ENTREP2: variants seen among roughly 807,000 people sequenced by gnomAD.
ENTREP2 encodes endosomal transmembrane epsin interactor 2.
At chr15:29,205,149 A>G in the ENTREP2 span, among the ~76,000 whole-genome samples, 1 of 152,016 alleles carries the variant, frequency 6.6e-6, no homozygotes, top group East Asian at 1.9e-4. Context: ...ACGTGTCGAG[A>G]TTTCCTTCCT....
the ENTREP2 span, among the ~76,000 whole-genome samples, chr15:29,648,903 T>C: frequency 6.6e-6 from 1 of 151,730 alleles, no homozygotes; most frequent in Non-Finnish European, 1.5e-5. Flanking sequence ...TGTGCCATTG[T>C]ACTCCAGCCT....
chr15:29,213,989 A>G, the ENTREP2 span, among the ~76,000 whole-genome samples: 1 of 152,056 alleles, frequency 6.6e-6, no homozygotes, highest in Non-Finnish European at 1.5e-5. Context: ...CCACAATGAG[A>G]TACCATCTCA....
At chr15:29,276,297 A>C in the ENTREP2 span, among the ~76,000 whole-genome samples, 40 of 152,346 alleles carry the variant, frequency 2.6e-4, no homozygotes, top group Non-Finnish European at 4.7e-4. Context: ...TATGAAAATC[A>C]TTAGGGCCTA....
At chr15:29,130,753 C>T in the ENTREP2 span, among the ~76,000 whole-genome samples, 1 of 152,144 alleles carries the variant, frequency 6.6e-6, no homozygotes, top group Non-Finnish European at 1.5e-5. Flanking sequence ...TTAAATGTGG[C>T]CCTTCCCTGA....
At chr15:29,254,161 CAAAAA>C in the ENTREP2 span, among the ~76,000 whole-genome samples, 35 of 61,334 alleles carry the variant, frequency 5.7e-4, 1 homozygote, top group South Asian at 0.013. Context: ...TGTTAAAGAG[CAAAAA>C]AAAAAAAAAA....
chr15:29,418,907 T>A, the ENTREP2 span, among the ~76,000 whole-genome samples: 1 of 152,248 alleles, frequency 6.6e-6, no homozygotes. Flanking sequence ...AGCACATGGT[T>A]GGGTTTTCCC....
the ENTREP2 span, among the ~76,000 whole-genome samples, chr15:29,619,345 TTG>T: frequency 6.6e-6 from 1 of 152,134 alleles, no homozygotes; most frequent in Non-Finnish European, 1.5e-5. Context: ...TGAGCCTAGG[TTG>T]TGTCACTGCA....
chr15:29,465,629 C>A, the ENTREP2 span, among the ~76,000 whole-genome samples: 1 of 152,328 alleles, frequency 6.6e-6, no homozygotes, highest in African/African-American at 2.4e-5. Flanking sequence ...GGCTTCCTGA[C>A]TCTGAGTCTT....
At chr15:29,272,658 T>C in the ENTREP2 span, among the ~76,000 whole-genome samples, 1 of 152,194 alleles carries the variant, frequency 6.6e-6, no homozygotes, top group Non-Finnish European at 1.5e-5. Context: ...CAGGAATCTA[T>C]GCAGAATGGG....
At chr15:29,627,271 G>A in the ENTREP2 span, among the ~76,000 whole-genome samples, 12 of 152,162 alleles carry the variant, frequency 7.9e-5, no homozygotes, top group Middle Eastern at 3.4e-3. Flanking sequence ...TAGGCCAGGC[G>A]TGGTGGCTCA....
At chr15:29,250,444 G>A in the ENTREP2 span, among the ~76,000 whole-genome samples, 21 of 152,240 alleles carry the variant, frequency 1.4e-4, no homozygotes, top group Admixed American at 3.3e-4. Context: ...TTATGTATCC[G>A]TGGAGGTATA....
At chr15:29,136,350 G>A in the ENTREP2 span, 1 of 1,480,982 alleles carries the variant, frequency 6.8e-7, no homozygotes, top group African/African-American at 1.4e-5. Flanking sequence ...GCTTTGTCTG[G>A]GGCCCCAGGC....
At chr15:29,215,164 T>G in the ENTREP2 span, among the ~76,000 whole-genome samples, 4 of 152,220 alleles carry the variant, frequency 2.6e-5, no homozygotes, top group Non-Finnish European at 5.9e-5. Context: ...ATTTTCCGGT[T>G]GGACAAGGCC....
the ENTREP2 span, among the ~76,000 whole-genome samples, chr15:29,444,224 AAGAAAGAAAGAAAGAAAGAAAGAAAG>A: frequency 6.7e-6 from 1 of 149,976 alleles, no homozygotes; most frequent in Admixed American, 6.6e-5. Context: ...GAAAGAAAGA[AAGAAAGAAAGAAAGAAAGAAAGAAAG>A]AGAAAGAGAA....
At chr15:29,563,371 C>T in the ENTREP2 span, among the ~76,000 whole-genome samples, 1 of 151,980 alleles carries the variant, frequency 6.6e-6, no homozygotes, top group East Asian at 1.9e-4. Context: ...CTCCTTTTCA[C>T]CCTCTATTTT....
At chr15:29,556,970 A>C in the ENTREP2 span, among the ~76,000 whole-genome samples, 1 of 152,236 alleles carries the variant, frequency 6.6e-6, no homozygotes, top group Non-Finnish European at 1.5e-5. Context: ...CTGGGAGTGC[A>C]TAATGCTCAA....
chr15:29,269,427 C>T, the ENTREP2 span: 7 of 1,614,018 alleles, frequency 4.3e-6, no homozygotes, highest in East Asian at 2.2e-5. Flanking sequence ...GCAAGAACTG[C>T]ACCAGCTCGG....
At chr15:29,288,606 A>G in the ENTREP2 span, among the ~76,000 whole-genome samples, 1 of 152,198 alleles carries the variant, frequency 6.6e-6, no homozygotes, top group Admixed American at 6.5e-5. Context: ...ACATATGCTC[A>G]CCACTGTGTT....
the ENTREP2 span, among the ~76,000 whole-genome samples, chr15:29,542,213 C>G: frequency 5.9e-5 from 9 of 152,082 alleles, no homozygotes; most frequent in Non-Finnish European, 1.2e-4. Context: ...CGGGGTTTCA[C>G]CATGTTGGCC....
Sources: gnomAD v4.1 joint callset for allele counts (sites outside exome capture counted in the v4.1 genomes callset) on GRCh38, gnomAD v4.1.1 for gene constraint, MANE v1.5 for transcripts, NCBI Gene and HGNC (gene_info 2026-07-23, HGNC 2026-07-21) for gene names.